The following AVPR1A variants were observed in gnomAD, a reference collection of about 807,000 sequenced individuals.
AVPR1A encodes vasopressin V1a receptor.
Under a neutral mutation model 31.5 loss-of-function variants are expected in AVPR1A, and 31 were observed. The ratio of observed to expected loss-of-function variants is 0.99; its 90% CI spans 0.74 to 1.33. The LOEUF (loss-of-function observed/expected upper bound fraction) is 1.33, where lower values mean the gene tolerates loss of function less well. Among genes scored for constraint, AVPR1A ranks in the 40% most tolerant of loss-of-function variants. AVPR1A has a pLI of 0.00. For synonymous variants in AVPR1A, 243 were observed against 233.2 expected (o/e 1.04, Z -0.38); for missense variants, 570 against 575.2 (o/e 0.99, Z 0.09).
chr12:63,149,053 A>C (rs1868404293), intron 1 of AVPR1A, among the ~76,000 whole-genome samples: 1 of 152,196 alleles, frequency 6.6e-6, no homozygotes, highest in African/African-American at 2.4e-5. Context: ...TTTGGGAAGG[A>C]ATTAAAATCA....
chr12:63,149,215 GA>G (rs1447288083), intron 1 of AVPR1A, among the ~76,000 whole-genome samples: 1 of 151,950 alleles, frequency 6.6e-6, no homozygotes, highest in Non-Finnish European at 1.5e-5. Flanking sequence ...GAAATACCAA[GA>G]AAAAACTATT....
chr12:63,149,008 T>G (rs1455684482), intron 1 of AVPR1A, among the ~76,000 whole-genome samples: 1 of 152,186 alleles, frequency 6.6e-6, no homozygotes, highest in African/African-American at 2.4e-5. Flanking sequence ...TTAAATAATT[T>G]TTTTTGCAAG....
chr12:63,149,769 T>TCTCTCTCTC (rs1565878651), intron 1 of AVPR1A, 98 bp downstream of exon 1: 1 of 1,187,024 alleles, frequency 8.4e-7, no homozygotes, highest in African/African-American at 2.2e-5. Context: ...ATTCTCATTT[T>TCTCTCTCTC]TTTCTCTCTC....
chr12:63,144,200 A>T lies in AVPR1A; in HGVS notation c.*3159T>A, dbSNP rs1868341015. 1 of 152,250 alleles carries T rather than the reference A, an allele frequency of 6.6e-6. No homozygotes were observed. The allele number at this position is 152,250 out of a possible 1,614,324, so 9.4% of individuals were successfully genotyped here. Reference sequence around the variant, plus strand: ...ATTCTATATGTAAAACAAGTATATAATTAACCCAAGAATTTCACTGATTTC... The same window carrying T: ...ATTCTATATGTAAAACAAGTATATATTTAACCCAAGAATTTCACTGATTTC... On this transcript the variant is annotated 3_prime_UTR_variant, in exon 2 of 2. Coordinates refer to ENST00000299178, the MANE Select transcript of AVPR1A (RefSeq NM_000706.5).
Position 63,150,529 on chromosome 12 carries a change from A to G in AVPR1A, c.308T>C (p.Phe103Ser), listed in dbSNP as rs769689727. ...LSLADLAVAFFQVLPQMCWDI... is the reference protein window; with the variant it reads ...LSLADLAVAFSQVLPQMCWDI... ...CCAGCACATTTGCGGCAGCACCTGGAAGAATGCCACGGCCAGGTCGGCCAG... is the reference window on the plus strand; with the variant it reads ...CCAGCACATTTGCGGCAGCACCTGGGAGAATGCCACGGCCAGGTCGGCCAG... Residue 103 changes from phenylalanine to serine, a missense_variant, in exon 1 of 2, where the codon TTC (phenylalanine) becomes TCC (serine). Phe to Ser is a radical substitution (Grantham distance 155, BLOSUM62 -2). Transcript: ENST00000299178. The surrounding 1 kb of genome is among the most constrained non-coding windows in gnomAD (Gnocchi z 4.9). 4 of 1,613,228 alleles carry G rather than the reference A, an allele frequency of 2.5e-6. No homozygotes were observed. Among genetic ancestry groups the G allele is most frequent in the South Asian group, 2.2e-5 (2 of 91,038 alleles).
rs1309352758 is a variant in AVPR1A at position 63,150,727 on chromosome 12, T to A, written c.110A>T (p.Glu37Val). The A allele has an allele frequency of 6.2e-7, 1 of 1,603,108 alleles. No individual in the cohort carries two copies. The highest frequency in any genetic ancestry group is 2.2e-5 in the East Asian group (1 of 44,816). The part of the protein sequence containing the change: ...NTSREAEALG[E>V]GNGPPRDVRN... ...CACGTCCCTCGGTGGGCCGTTGCCC[T>A]CCCCGAGGGCTTCGGCCTCCCGGCT... The change falls in exon 1 of 2, where the codon GAG (glutamate) becomes GTG (valine). Residue 37 changes from glutamate (E) to valine (V), a missense_variant. Physicochemically the swap from Glu to Val is moderately radical, Grantham distance 121. Coordinates refer to ENST00000299178, the MANE Select transcript of AVPR1A (RefSeq NM_000706.5). This position sits in a 1 kb window ranked among gnomAD's most constrained non-coding sequence, Gnocchi z 4.9.
intron 1 of AVPR1A, among the ~76,000 whole-genome samples, 154 bp downstream of exon 1, chr12:63,149,713 G>A (rs1169948314): frequency 4.7e-5 from 7 of 149,620 alleles, no homozygotes; most frequent in African/African-American, 1.7e-4. Context: ...ACACATAGAA[G>A]TTTAAAAACT....
chr12:63,145,397 A>G lies in AVPR1A; in HGVS notation c.*1962T>C, dbSNP rs1868350228. 4.4e-6 allele frequency: 2 copies of G among 454,690 alleles called. No individual in the cohort carries two copies. Among genetic ancestry groups the G allele is most frequent in the Non-Finnish European group, 8.8e-6 (2 of 226,484 alleles). The allele number at this position is 454,690 out of a possible 1,614,324, so 28.2% of individuals were successfully genotyped here. Reference sequence around the variant, plus strand: ...TTCTCATTTTCTTATCTACAAAGGTAAAAAAAGAAACTCAATAATACTATT... The same window carrying G: ...TTCTCATTTTCTTATCTACAAAGGTGAAAAAAGAAACTCAATAATACTATT... On this transcript the variant is annotated 3_prime_UTR_variant, in exon 2 of 2. Coordinates refer to ENST00000299178, the MANE Select transcript of AVPR1A (RefSeq NM_000706.5).
rs748303041 is a variant in AVPR1A, at chr12:63,150,719, C to T, written c.118G>A (p.Gly40Ser). 5 of 1,604,466 alleles carry T rather than the reference C, an allele frequency of 3.1e-6. No homozygotes were observed. Among genetic ancestry groups the T allele is most frequent in the East Asian group, 2.2e-5 (1 of 44,832 alleles). The change falls in exon 1 of 2, where the codon GGC (glycine) becomes AGC (serine). Residue 40 changes from glycine to serine, a missense_variant. Physicochemically the swap from Gly to Ser is moderately conservative, Grantham distance 56. Transcript: ENST00000299178. The surrounding 1 kb of genome is among the most constrained non-coding windows in gnomAD (Gnocchi z 4.9). ...REAEALGEGN[G>S]PPRDVRNEEL... is the part of the protein sequence containing the mutation. ...TCGTTGCGCACGTCCCTCGGTGGGC[C>T]GTTGCCCTCCCCGAGGGCTTCGGCC...
chr12:63,147,662 A>C lies in AVPR1A; in HGVS notation c.971-17T>G, dbSNP rs1774695460. ...TTTCCGATTCTGCATGAAAAATATAAAGGGAAATCATGTAATGTAAGTGAA... is the reference window on the plus strand; with the variant it reads ...TTTCCGATTCTGCATGAAAAATATACAGGGAAATCATGTAATGTAAGTGAA... On this transcript the variant is annotated splice_polypyrimidine_tract_variant and intron_variant, in intron 1 of 1. Coordinates refer to ENST00000299178, the MANE Select transcript of AVPR1A (RefSeq NM_000706.5). The C allele has an allele frequency of 6.2e-7, 1 of 1,605,328 alleles. No individual in the cohort carries two copies.
In AVPR1A at chr12:63,142,780, T is replaced by C. The variant is rs1187742583; in HGVS notation, c.*4579A>G. ...CAAATCCAAAACTTATTTTTGTTTA[T>C]AGAAACAAGACAACACACAGTAAAA... On this transcript the variant is annotated 3_prime_UTR_variant, in exon 2 of 2. Coordinates refer to ENST00000299178, the MANE Select transcript of AVPR1A (RefSeq NM_000706.5). The C allele has an allele frequency of 6.6e-6, 1 of 152,160 alleles. No homozygotes were observed. The allele number at this position is 152,160 out of a possible 1,614,324, so 9.4% of individuals were successfully genotyped here.
In AVPR1A at chr12:63,151,088, G is replaced by A. The variant is rs1284663821; in HGVS notation, c.-252C>T. The A allele has an allele frequency of 2.6e-5, 13 of 498,528 alleles. No individual in the cohort carries two copies. The highest frequency in any genetic ancestry group is 2.0e-4 in the South Asian group (6 of 29,492). The allele number at this position is 498,528 out of a possible 1,614,324, so 30.9% of individuals were successfully genotyped here. On this transcript the variant is annotated 5_prime_UTR_variant, in exon 1 of 2. Transcript: ENST00000299178. ...CCTTTTTTCAACTTCGGCGAGGTCG[G>A]GAAGGTGAGCTCCGAGCTTCCGGAA...
rs1328097107 is a variant in AVPR1A at position 63,150,174 on chromosome 12, C to G, written c.663G>C (p.Thr221=). ...CCACGGGCGCCACAAAGATGCCGCC[C>G]GTCATCCAGGTCACGTAGGCACGAG... ...WGSRAYVTWM[T]GGIFVAPVVI... The change falls in exon 1 of 2, where the codon ACG becomes ACC. Residue 221 remains threonine, a synonymous_variant. Coordinates refer to ENST00000299178, the MANE Select transcript of AVPR1A (RefSeq NM_000706.5). The surrounding 1 kb of genome is among the most constrained non-coding windows in gnomAD (Gnocchi z 4.9). The G allele has an allele frequency of 6.2e-7, 1 of 1,613,968 alleles. No homozygotes were observed.
At position 63,150,539 on chromosome 12, in the gene AVPR1A, C is replaced by T. The variant is rs770644257; in HGVS notation, c.298G>A (p.Val100Met). 1 of 1,612,726 alleles carries T rather than the reference C, an allele frequency of 6.2e-7. No homozygotes were observed. The highest frequency in any genetic ancestry group is 8.5e-7 in the Non-Finnish European group (1 of 1,179,822). The stretch of plus-strand genomic sequence containing the variant: ...TGCGGCAGCACCTGGAAGAATGCCA[C>T]GGCCAGGTCGGCCAGGCTGAGGTGT... ...IRHLSLADLAVAFFQVLPQMC... is the reference protein window; with the variant it reads ...IRHLSLADLAMAFFQVLPQMC... The change falls in exon 1 of 2, where the codon GTG becomes ATG. Residue 100 changes from valine to methionine, a missense_variant. By Grantham distance (21) the Val-to-Met change is conservative. Coordinates refer to ENST00000299178, the MANE Select transcript of AVPR1A (RefSeq NM_000706.5). This position sits in a 1 kb window ranked among gnomAD's most constrained non-coding sequence, Gnocchi z 4.9.
In AVPR1A at chr12:63,150,642, G is replaced by T. The variant is rs768628862; in HGVS notation, c.195C>A (p.Ala65=). 13 of 1,609,312 alleles carry T rather than the reference G, an allele frequency of 8.1e-6. No homozygotes were observed. The highest frequency in any genetic ancestry group is 1.1e-5 in the South Asian group (1 of 91,056). ...IAVLAVTFAV[A]VLGNSSVLLA... ...GCAGTACGCTGCTGTTGCCCAGCAC[G>T]GCCACCGCGAAAGTCACCGCCAGCA... Residue 65 remains alanine (A), a synonymous_variant, in exon 1 of 2, where the codon GCC becomes GCA. Coordinates refer to ENST00000299178, the MANE Select transcript of AVPR1A (RefSeq NM_000706.5). The surrounding 1 kb of genome is among the most constrained non-coding windows in gnomAD (Gnocchi z 4.9).
Position 63,151,111 on chromosome 12 carries a change from G to A in AVPR1A, c.-275C>T. On this transcript the variant is annotated 5_prime_UTR_variant, in exon 1 of 2. Transcript: ENST00000299178. ...CGGGAAGGTGAGCTCCGAGCTTCCG[G>A]AAGCACTGGGTTCCCAACTCAAGTA... 2.2e-6 allele frequency: 1 copy of A among 444,462 alleles called. No individual in the cohort carries two copies. The highest frequency in any genetic ancestry group is 4.0e-6 in the Non-Finnish European group (1 of 250,786). The allele number at this position is 444,462 out of a possible 1,614,324, so 27.5% of individuals were successfully genotyped here. A position where few individuals can be genotyped will look rare whatever the true frequency, so the allele number is the denominator to read the frequency against.
At chr12:63,149,730 C>G in intron 1 of AVPR1A, 137 bp downstream of exon 1, 1 of 1,335,596 alleles carries the variant, frequency 7.5e-7, no homozygotes. Flanking sequence ...AACTACTGCC[C>G]TAGAAGATAC....
Position 63,150,484 on chromosome 12 carries a change from C to G in AVPR1A, c.353G>C (p.Arg118Pro). 1 of 1,613,438 alleles carries G rather than the reference C, an allele frequency of 6.2e-7. No homozygotes were observed. The highest frequency in any genetic ancestry group is 8.5e-7 in the Non-Finnish European group (1 of 1,179,826). ...CACGCGGCACAGCCAGTCGGGGCCG[C>G]GGAAGCGGTAGGTGATGTCCCAGCA... ...QMCWDITYRFRGPDWLCRVVK... is the reference protein window; with the variant it reads ...QMCWDITYRFPGPDWLCRVVK... Residue 118 changes from arginine to proline, a missense_variant, in exon 1 of 2, where the codon CGC (arginine) becomes CCC (proline). Physicochemically the swap from Arg to Pro is moderately radical, Grantham distance 103. Transcript: ENST00000299178. This position sits in a 1 kb window ranked among gnomAD's most constrained non-coding sequence, Gnocchi z 4.9.
rs1213393991 is a variant in AVPR1A at position 63,146,257 on chromosome 12, C to A, written c.*1102G>T. The stretch of plus-strand genomic sequence containing the variant: ...GTTGTGGATTTAATAATGAAGGAAG[C>A]CAGTCTGGGCACAGAGCAGTTCTCT... On this transcript the variant is annotated 3_prime_UTR_variant, in exon 2 of 2. Coordinates refer to ENST00000299178, the MANE Select transcript of AVPR1A (RefSeq NM_000706.5). 1 of 152,162 alleles carries A rather than the reference C, an allele frequency of 6.6e-6. No homozygotes were observed. Among genetic ancestry groups the A allele is most frequent in the African/African-American group, 2.4e-5 (1 of 41,436 alleles). 9.4% of individuals were successfully genotyped at this position (152,162 alleles called of 1,614,324 possible). A position where few individuals can be genotyped will look rare whatever the true frequency, so the allele number is the denominator to read the frequency against.
Sources: gnomAD v4.1 joint callset for allele counts (sites outside exome capture counted in the v4.1 genomes callset) on GRCh38, gnomAD v4.1.1 for gene constraint, Gnocchi (gnomAD v3.1) non-coding constraint, MANE v1.5 for transcripts, NCBI Gene and HGNC (gene_info 2026-07-23, HGNC 2026-07-21) for gene names.